Variants in MYT1L observed in about 807,000 individuals in gnomAD.
MYT1L encodes the protein myelin transcription factor 1-like protein.
MYT1L carries 12 observed loss-of-function variants against 126.7 expected under a neutral mutation model. The observed-to-expected ratio is 0.09, with a 90% CI of 0.06 to 0.15. MYT1L has a LOEUF of 0.15. Among genes scored for constraint, MYT1L ranks in the 10% least tolerant of loss-of-function variants. MYT1L has a pLI of 1.00. For missense variants in MYT1L, 979 were observed against 1,585.2 expected (o/e 0.62, Z 6.49); for synonymous variants, 541 against 604.2 (o/e 0.90, Z 1.53).
In MYT1L at chr2:1,929,952, A is replaced by G. The variant is rs1028133740; in HGVS notation, c.506-6689T>C. Among the ~76,000 whole-genome samples, 1 of 152,176 alleles carries G rather than the reference A, an allele frequency of 6.6e-6. No homozygotes were observed. On this transcript the variant is annotated intron_variant, in intron 9 of 24. Coordinates refer to ENST00000647738, the MANE Select transcript of MYT1L (RefSeq NM_001303052.2). This position sits in a 1 kb window ranked among gnomAD's most constrained non-coding sequence, Gnocchi z 4.7. ...AGGGTCACAACGCAGTGTCATCTCT[A>G]AGATAATTTTCTGAGACATAGGAAG...
chr2:2,263,235 G>A (rs1271324369), intron 2 of MYT1L, among the ~76,000 whole-genome samples: 2 of 151,530 alleles, frequency 1.3e-5, no homozygotes, highest in East Asian at 2.0e-4. Flanking sequence ...TGTGAAAATC[G>A]TGCATTTATA....
chr2:2,001,746 G>A (rs1377813691), intron 4 of MYT1L, among the ~76,000 whole-genome samples: 1 of 152,194 alleles, frequency 6.6e-6, no homozygotes, highest in Non-Finnish European at 1.5e-5. Flanking sequence ...AGGGAACAAC[G>A]TCAGGACCTC....
chr2:2,197,707 C>T (rs757863705), intron 2 of MYT1L, among the ~76,000 whole-genome samples: 10 of 141,266 alleles, frequency 7.1e-5, no homozygotes, highest in African/African-American at 1.1e-4. Context: ...ACACACACAA[C>T]GAATGTGTAG....
chr2:1,825,353 G>A (rs894432911), intron 21 of MYT1L: 1 of 152,232 alleles, frequency 6.6e-6, no homozygotes, highest in Non-Finnish European at 1.5e-5. Flanking sequence ...TACAGTAGAG[G>A]AGGAGACAGA....
chr2:1,984,759 T>C (rs2060880876), intron 5 of MYT1L, among the ~76,000 whole-genome samples: 1 of 152,088 alleles, frequency 6.6e-6, no homozygotes. Context: ...TCCACCTGCC[T>C]CAGCCTCCCA....
chr2:2,020,350 G>C (rs1477762206), intron 4 of MYT1L, among the ~76,000 whole-genome samples: 2 of 152,184 alleles, frequency 1.3e-5, no homozygotes, highest in Non-Finnish European at 2.9e-5. Flanking sequence ...CTCAAGGGTA[G>C]AGATTTATTT....
intron 2 of MYT1L, among the ~76,000 whole-genome samples, chr2:2,194,554 G>A (rs1360671274): frequency 6.6e-6 from 1 of 152,152 alleles, no homozygotes; most frequent in African/African-American, 2.4e-5. Flanking sequence ...GCTTTGGGCT[G>A]TGTGTACATG....
chr2:1,930,299 A>G (rs959489889), intron 9 of MYT1L, among the ~76,000 whole-genome samples: 5 of 152,340 alleles, frequency 3.3e-5, no homozygotes, highest in East Asian at 3.9e-4. Flanking sequence ...GAGTGGCACT[A>G]TATCACGGAG....
intron 1 of MYT1L, among the ~76,000 whole-genome samples, chr2:2,319,739 A>T (rs1324104443): frequency 6.6e-6 from 1 of 150,884 alleles, no homozygotes; most frequent in Non-Finnish European, 1.5e-5. Flanking sequence ...ATTTATGATT[A>T]CCCTTTATCA....
chr2:1,987,849 C>T (rs1156238739), intron 5 of MYT1L, among the ~76,000 whole-genome samples: 1 of 152,138 alleles, frequency 6.6e-6, no homozygotes, highest in Non-Finnish European at 1.5e-5. Flanking sequence ...GAATATGGCT[C>T]ATCAGGACGT....
intron 3 of MYT1L, among the ~76,000 whole-genome samples, chr2:2,143,638 C>T (rs1429979881): frequency 6.6e-6 from 1 of 152,038 alleles, no homozygotes; most frequent in African/African-American, 2.4e-5. Flanking sequence ...ATTTGGGAGG[C>T]CCAGGTGTTA....
At chr2:1,843,363 A>C (rs765953044) in intron 19 of MYT1L, among the ~76,000 whole-genome samples, 3 of 152,190 alleles carry the variant, frequency 2.0e-5, no homozygotes, top group Non-Finnish European at 4.4e-5. Context: ...CATTCAATGC[A>C]TGAATGAAGA....
chr2:2,178,049 T>C lies in MYT1L; in HGVS notation c.-420-5061A>G, dbSNP rs552712397. Among the ~76,000 whole-genome samples, 11 of 152,240 alleles carry C rather than the reference T, an allele frequency of 7.2e-5. No individual in the cohort carries two copies. The South Asian group carries it at 2.1e-3, about 29-fold the overall frequency. ...CTTCTAATTGTTTATTTCATATATA[T>C]ACTGTTTATTTATAAATAGATAAAA... On this transcript the variant is annotated intron_variant, in intron 2 of 24. Transcript: ENST00000647738.
At chr2:2,173,500 C>G (rs76512702) in intron 2 of MYT1L, among the ~76,000 whole-genome samples, 15,400 of 152,172 alleles carry the variant, frequency 0.1, 755 homozygotes, top group East Asian at 0.13. Flanking sequence ...AAGAAATTAC[C>G]TTCATTAATG....
At chr2:2,221,431 T>C (rs1178305658) in intron 2 of MYT1L, among the ~76,000 whole-genome samples, 4 of 152,118 alleles carry the variant, frequency 2.6e-5, no homozygotes, top group Non-Finnish European at 1.5e-5. Context: ...ACAGAATGCA[T>C]CTGAGGCCCC....
intron 3 of MYT1L, among the ~76,000 whole-genome samples, chr2:2,117,540 C>T (rs751740856): frequency 5.3e-5 from 8 of 152,178 alleles, no homozygotes; most frequent in Non-Finnish European, 7.3e-5. Context: ...TGTGCCAAGA[C>T]GCAGCCCTCA....
Position 1,806,165 on chromosome 2 carries a change from T to C in MYT1L, c.3172+2911A>G, listed in dbSNP as rs1330352256. 6.6e-6 allele frequency among the ~76,000 whole-genome samples: 1 copy of C among 152,182 alleles called. No homozygotes were observed. Among genetic ancestry groups the C allele is most frequent in the Non-Finnish European group, 1.5e-5 (1 of 68,032 alleles). On this transcript the variant is annotated intron_variant, in intron 22 of 24. Coordinates refer to ENST00000647738, the MANE Select transcript of MYT1L (RefSeq NM_001303052.2). The surrounding 1 kb of genome is among the most constrained non-coding windows in gnomAD (Gnocchi z 4.9). ...GATGCCTGGGCACACAACTGTGCTC[T>C]GGGGGTAAGAAAGAACTATCTCAGT... is the stretch of plus-strand genomic sequence containing the variant.
intron 22 of MYT1L, among the ~76,000 whole-genome samples, chr2:1,808,657 C>T (rs911407381): frequency 2.0e-5 from 3 of 152,126 alleles, no homozygotes; most frequent in African/African-American, 7.2e-5. Flanking sequence ...AAATCAGGCA[C>T]CAGACATGCA....
At chr2:2,220,582 A>T (rs2093830343) in intron 2 of MYT1L, among the ~76,000 whole-genome samples, 1 of 152,106 alleles carries the variant, frequency 6.6e-6, no homozygotes. Flanking sequence ...GAAGAAAAAG[A>T]TCTTGTTATG....
Sources: gnomAD v4.1 joint callset for allele counts (sites outside exome capture counted in the v4.1 genomes callset) on GRCh38, gnomAD v4.1.1 for gene constraint, Gnocchi (gnomAD v3.1) non-coding constraint, MANE v1.5 for transcripts, NCBI Gene and HGNC (gene_info 2026-07-23, HGNC 2026-07-21) for gene names.